TIMD4: variants seen among roughly 807,000 people sequenced by gnomAD.
The protein encoded by TIMD4 is T cell immunoglobulin and mucin domain containing 4, also known as T-cell immunoglobulin and mucin domain-containing protein 4.
A neutral mutation model predicts 41.2 loss-of-function variants in TIMD4; 31 were observed. The ratio of observed to expected loss-of-function variants is 0.75; its 90% CI spans 0.57 to 1.01. TIMD4 has a LOEUF of 1.01. Ranked by LOEUF, TIMD4 falls within the 50% of genes least tolerant of loss-of-function variation. The pLI is 0.00. For missense variants in TIMD4, 479 were observed against 472.5 expected, an observed-to-expected ratio of 1.01 and a Z score of -0.13; for synonymous variants, 204 against 177.1, an observed-to-expected ratio of 1.15 and a Z score of -1.21.
chr5:156,921,292 G>C (rs1009184781), intron 7 of TIMD4, among the ~76,000 whole-genome samples: 1 of 151,996 alleles, frequency 6.6e-6, no homozygotes, highest in Non-Finnish European at 1.5e-5. Flanking sequence ...GTGGCCTCCA[G>C]GTTAAGAAAG....
Position 156,944,659 on chromosome 5 carries a change from C to T in TIMD4, c.844+3757G>A, listed in dbSNP as rs554389262. On this transcript the variant is annotated intron_variant, in intron 5 of 8. Coordinates refer to ENST00000274532, the MANE Select transcript of TIMD4 (RefSeq NM_138379.3). ...AGCTGGGACTACAGGTGCCCGCCAC[C>T]ACGCCTGGCTAATTTTTTGTATTTT... Among the ~76,000 whole-genome samples the T allele has an allele frequency of 5.8e-4, 89 of 152,164 alleles. 1 individual carries two copies. The highest frequency in any genetic ancestry group is 1.0e-3 in the Non-Finnish European group (71 of 67,988).
rs774631894 is a variant in TIMD4, at chr5:156,963,149, A to G, written c.50T>C (p.Leu17Pro). 1 of 1,614,138 alleles carries G rather than the reference A, an allele frequency of 6.2e-7. No homozygotes were observed. The highest frequency in any genetic ancestry group is 8.5e-7 in the Non-Finnish European group (1 of 1,179,974). ...GGTTTCAGAACACTTACTCAGGTAA[A>G]GCCACCAAAACTCAATCATCAGCCA... ...ILWLMIEFWW[L>P]YLTPVTSETV... Residue 17 changes from leucine to proline, a missense_variant, in exon 1 of 9, where the codon CTT becomes CCT. By Grantham distance (98) the Leu-to-Pro change is moderately conservative. Coordinates refer to ENST00000274532, the MANE Select transcript of TIMD4 (RefSeq NM_138379.3).
intron 5 of TIMD4, among the ~76,000 whole-genome samples, chr5:156,933,544 G>GTTGTGTTGTTTTGTT (rs1485841755): frequency 1.4e-5 from 2 of 144,248 alleles, no homozygotes; most frequent in African/African-American, 5.2e-5. Flanking sequence ...GGGTGAGAGT[G>GTTGTGTTGTTTTGTT]TTGTTTTGTT....
intron 1 of TIMD4, among the ~76,000 whole-genome samples, chr5:156,962,720 C>G (rs970684223): frequency 1.3e-5 from 2 of 152,126 alleles, no homozygotes; most frequent in Non-Finnish European, 2.9e-5. Context: ...TAAAGCCTCA[C>G]CCCAGCAAAA....
At chr5:156,932,142 C>G (rs1477569889) in intron 5 of TIMD4, among the ~76,000 whole-genome samples, 1 of 152,136 alleles carries the variant, frequency 6.6e-6, no homozygotes, top group Non-Finnish European at 1.5e-5. Context: ...ACTAAATACA[C>G]CTGCTTTCAA....
chr5:156,922,273 A>C, intron 6 of TIMD4, 57 bp from the exon 7 acceptor site: 2 of 1,312,028 alleles, frequency 1.5e-6, no homozygotes, highest in Non-Finnish European at 2.2e-6. Context: ...CACCCTCACA[A>C]GATGACATCC....
chr5:156,919,336 C>A lies in TIMD4; in HGVS notation c.*121G>T. The A allele has an allele frequency of 1.1e-6, 1 of 882,520 alleles. No individual in the cohort carries two copies. The allele number at this position is 882,520 out of a possible 1,614,324, so 54.7% of individuals were successfully genotyped here. On this transcript the variant is annotated 3_prime_UTR_variant, in exon 9 of 9. Transcript: ENST00000274532. Reference sequence around the variant, plus strand: ...CTTCATTCATGAAACTAAAGCAAGCCTGGATCAATGACATCCATGGAATAA... The same window carrying A: ...CTTCATTCATGAAACTAAAGCAAGCATGGATCAATGACATCCATGGAATAA...
At chr5:156,961,765 T>C (rs60795030) in intron 1 of TIMD4, among the ~76,000 whole-genome samples, 12,565 of 120,284 alleles carry the variant, frequency 0.1, 1,032 homozygotes, top group African/African-American at 0.25. Context: ...ATAGAGATAG[T>C]GCCACTGCAG....
intron 5 of TIMD4, among the ~76,000 whole-genome samples, 158 bp from the exon 6 acceptor site, chr5:156,926,470 T>G (rs777181452): frequency 4.6e-5 from 7 of 152,240 alleles, no homozygotes; most frequent in Non-Finnish European, 1.0e-4. Context: ...CATATTTGTT[T>G]TGATATGGTT....
At chr5:156,924,188 G>A (rs374240160) in intron 6 of TIMD4, 71 of 449,580 alleles carry the variant, frequency 1.6e-4, no homozygotes, top group African/African-American at 1.3e-3. Flanking sequence ...AGTCTATGCA[G>A]CACCAAAAAA....
chr5:156,932,738 G>A (rs1025603256), intron 5 of TIMD4, among the ~76,000 whole-genome samples: 5 of 152,250 alleles, frequency 3.3e-5, no homozygotes, highest in Admixed American at 2.6e-4. Flanking sequence ...TGAATGCAGT[G>A]ACTCACGCCT....
chr5:156,928,710 T>C lies in TIMD4; in HGVS notation c.845-2398A>G, dbSNP rs191542847. On this transcript the variant is annotated intron_variant, in intron 5 of 8. Transcript: ENST00000274532. ...AGAGCTGATTTGTTCATCAGGAAAGTGACTTGTTAAATGTCACTAGGAACA... is the reference window on the plus strand; with the variant it reads ...AGAGCTGATTTGTTCATCAGGAAAGCGACTTGTTAAATGTCACTAGGAACA... Among the ~76,000 whole-genome samples the C allele has an allele frequency of 2.6e-3, 393 of 152,308 alleles. 3 individuals carry two copies. The highest frequency in any genetic ancestry group is 8.3e-3 in the Admixed American group (127 of 15,302).
At chr5:156,940,985 C>T (rs1759640520) in intron 5 of TIMD4, among the ~76,000 whole-genome samples, 1 of 152,196 alleles carries the variant, frequency 6.6e-6, no homozygotes. Context: ...AATTCTTCTG[C>T]CTTGGGATGC....
At chr5:156,947,455 C>T (rs1245534260) in intron 5 of TIMD4, among the ~76,000 whole-genome samples, 1 of 152,200 alleles carries the variant, frequency 6.6e-6, no homozygotes, top group Non-Finnish European at 1.5e-5. Context: ...TACAGAAACA[C>T]TTGCATGAAT....
chr5:156,938,679 T>C (rs180805199), intron 5 of TIMD4, among the ~76,000 whole-genome samples: 1 of 152,286 alleles, frequency 6.6e-6, no homozygotes, highest in East Asian at 1.9e-4. Flanking sequence ...GTTCAGCAGC[T>C]CCTTCCTTCT....
At chr5:156,931,835 G>A (rs563494094) in intron 5 of TIMD4, among the ~76,000 whole-genome samples, 3 of 151,896 alleles carry the variant, frequency 2.0e-5, no homozygotes, top group Non-Finnish European at 2.9e-5. Context: ...CTGGCTATGC[G>A]ACCTTGGCTA....
intron 1 of TIMD4, among the ~76,000 whole-genome samples, chr5:156,960,534 G>C (rs1418180416): frequency 2.6e-5 from 4 of 151,616 alleles, no homozygotes; most frequent in Admixed American, 2.6e-4. Context: ...AGCCTCCTGA[G>C]TAGCTGGGAT....
In TIMD4 at chr5:156,920,811, G is replaced by A. The variant is rs1393141955; in HGVS notation, c.1013-308C>T. Among the ~76,000 whole-genome samples the A allele has an allele frequency of 2.0e-5, 3 of 152,142 alleles. No individual in the cohort carries two copies. The South Asian group carries it at 6.2e-4, about 31-fold the overall frequency. ...CTTGGGTTTCAAAACACTTCTTTAC[G>A]AGACATACTCAGAATTTTCCAAAAC... On this transcript the variant is annotated intron_variant, in intron 7 of 8. Coordinates refer to ENST00000274532, the MANE Select transcript of TIMD4 (RefSeq NM_138379.3).
rs758148694 is a variant in TIMD4, at chr5:156,954,387, G to A, written c.400+28C>T. ...CATTAACCACTGAATCTCTCCTTCCGCAGGCATGAGGCCCTTCGTGTGCTT... is the reference window on the plus strand; with the variant it reads ...CATTAACCACTGAATCTCTCCTTCCACAGGCATGAGGCCCTTCGTGTGCTT... On this transcript the variant is annotated intron_variant, in intron 2 of 8. Coordinates refer to ENST00000274532, the MANE Select transcript of TIMD4 (RefSeq NM_138379.3). The A allele has an allele frequency of 1.7e-5, 27 of 1,590,070 alleles. No individual in the cohort carries two copies. The East Asian group carries it at 4.2e-4, about 25-fold the overall frequency.
Sources: allele counts gnomAD v4.1 joint callset (sites outside exome capture counted in the v4.1 genomes callset), GRCh38; gene constraint gnomAD v4.1.1; transcripts MANE v1.5; gene names NCBI Gene and HGNC (gene_info 2026-07-23, HGNC 2026-07-21).